C1QTNF3: variants seen among roughly 807,000 people sequenced by gnomAD.
C1QTNF3 encodes the protein complement C1q tumor necrosis factor-related protein 3.
In C1QTNF3, 26 loss-of-function variants were observed where a neutral mutation model predicts 32.6. The ratio of observed to expected loss-of-function variants is 0.80; its 90% CI spans 0.58 to 1.11. The LOEUF (loss-of-function observed/expected upper bound fraction) is 1.11. C1QTNF3 is among the 50% of genes least tolerant of loss of function. The pLI, the probability that C1QTNF3 is intolerant of heterozygous loss-of-function variation, is 0.00. For missense variants in C1QTNF3, 362 were observed against 398.2 expected (o/e 0.91, Z 0.77); for synonymous variants, 155 against 146.0 (o/e 1.06, Z -0.44).
chr5:34,058,826 G>T, the C1QTNF3 span, among the ~76,000 whole-genome samples: 61 of 152,248 alleles, frequency 4.0e-4, no homozygotes, highest in African/African-American at 1.4e-3. Context: ...TGTCTATTTC[G>T]ATCAGTAAAT....
the C1QTNF3 span, among the ~76,000 whole-genome samples, chr5:34,116,884 T>C: frequency 6.6e-6 from 1 of 152,230 alleles, no homozygotes; most frequent in Non-Finnish European, 1.5e-5. Context: ...CATGAACCAC[T>C]GTGCCCGGCC....
At chr5:34,132,065 A>T in the C1QTNF3 span, among the ~76,000 whole-genome samples, 1 of 152,186 alleles carries the variant, frequency 6.6e-6, no homozygotes, top group African/African-American at 2.4e-5. Context: ...TCGTGTGATA[A>T]CTTGACAGTG....
At chr5:34,209,877 T>A in the C1QTNF3 span, among the ~76,000 whole-genome samples, 1 of 152,088 alleles carries the variant, frequency 6.6e-6, no homozygotes, top group African/African-American at 2.4e-5. Flanking sequence ...AAACAAAACC[T>A]TTTAGTTAAG....
chr5:34,136,335 CAAAGGAAA>C, the C1QTNF3 span, among the ~76,000 whole-genome samples: 408 of 152,334 alleles, frequency 2.7e-3, 1 homozygote, highest in African/African-American at 9.6e-3. Flanking sequence ...CAAAAGTGGG[CAAAGGAAA>C]CGAACAGACA....
At chr5:34,220,024 G>C in the C1QTNF3 span, 1 of 152,074 alleles carries the variant, frequency 6.6e-6, no homozygotes. Context: ...AGACTGGTCA[G>C]TACTTGAAGG....
chr5:34,026,390 TG>T (rs1370876342), intron 4 of C1QTNF3, among the ~76,000 whole-genome samples: 1 of 145,482 alleles, frequency 6.9e-6, no homozygotes, highest in African/African-American at 2.6e-5. Flanking sequence ...TTTGGGGTGA[TG>T]GTTGCTAGAT....
the C1QTNF3 span, chr5:34,167,694 C>T: frequency 6.6e-6 from 1 of 152,160 alleles, no homozygotes; most frequent in Admixed American, 6.5e-5. Flanking sequence ...GGAACATATA[C>T]AACCCAAATG....
At chr5:34,154,398 T>C in the C1QTNF3 span, among the ~76,000 whole-genome samples, 2 of 152,194 alleles carry the variant, frequency 1.3e-5, no homozygotes, top group Non-Finnish European at 2.9e-5. Flanking sequence ...GTAATACCCA[T>C]TTATTTCTTG....
chr5:34,039,226 G>T (rs1430071544), intron 1 of C1QTNF3, among the ~76,000 whole-genome samples: 1 of 152,116 alleles, frequency 6.6e-6, no homozygotes, highest in Admixed American at 6.5e-5. Flanking sequence ...CCCAAGGGAA[G>T]AATCAAGGGA....
the C1QTNF3 span, among the ~76,000 whole-genome samples, chr5:34,102,800 A>T: frequency 2.0e-5 from 3 of 152,284 alleles, no homozygotes; most frequent in African/African-American, 4.8e-5. Flanking sequence ...AACAATGAGA[A>T]CACTTGGGAA....
the C1QTNF3 span, among the ~76,000 whole-genome samples, chr5:34,141,820 G>T: frequency 3.3e-5 from 5 of 152,076 alleles, no homozygotes; most frequent in African/African-American, 4.8e-5. Flanking sequence ...TCTTGCATTT[G>T]AGTACTTTCC....
At chr5:34,128,392 G>A in the C1QTNF3 span, among the ~76,000 whole-genome samples, 1 of 152,218 alleles carries the variant, frequency 6.6e-6, no homozygotes, top group Non-Finnish European at 1.5e-5. Flanking sequence ...GTTCCCACTG[G>A]GGCACTGCCT....
the C1QTNF3 span, among the ~76,000 whole-genome samples, chr5:34,153,853 T>TAATTAA: frequency 1.2e-4 from 4 of 32,864 alleles, no homozygotes; most frequent in Admixed American, 3.5e-4. Context: ...ACTTAGAGTA[T>TAATTAA]AAAAAAAAAA....
chr5:34,069,379 C>T, the C1QTNF3 span, among the ~76,000 whole-genome samples: 1 of 151,856 alleles, frequency 6.6e-6, no homozygotes, highest in Non-Finnish European at 1.5e-5. Context: ...TCTGTATTTT[C>T]TACTAGTATA....
the C1QTNF3 span, among the ~76,000 whole-genome samples, chr5:34,223,778 A>C: frequency 1.3e-5 from 2 of 152,158 alleles, no homozygotes; most frequent in South Asian, 4.1e-4. Flanking sequence ...CCTATTCAAC[A>C]TAGTGTTGGA....
chr5:34,077,016 T>C, the C1QTNF3 span, among the ~76,000 whole-genome samples: 1 of 151,794 alleles, frequency 6.6e-6, no homozygotes, highest in African/African-American at 2.4e-5. Context: ...AATGTCTTAT[T>C]TTAACAAGCT....
the C1QTNF3 span, among the ~76,000 whole-genome samples, chr5:34,108,394 T>C: frequency 6.6e-6 from 1 of 152,132 alleles, no homozygotes; most frequent in African/African-American, 2.4e-5. Context: ...TTTATTGTGC[T>C]CTCCCCGTGC....
the C1QTNF3 span, among the ~76,000 whole-genome samples, chr5:34,089,862 C>T: frequency 6.6e-6 from 1 of 152,164 alleles, no homozygotes; most frequent in African/African-American, 2.4e-5. Flanking sequence ...ATAATGTCAA[C>T]TGTATCTTTT....
intron 1 of C1QTNF3, among the ~76,000 whole-genome samples, chr5:34,038,513 T>A (rs1455903936): frequency 1.3e-5 from 2 of 152,152 alleles, no homozygotes; most frequent in African/African-American, 4.8e-5. Flanking sequence ...TGCCTCCCAG[T>A]CTCTCTGATC....
Sources: allele counts gnomAD v4.1 joint callset (sites outside exome capture counted in the v4.1 genomes callset), GRCh38; gene constraint gnomAD v4.1.1; transcripts MANE v1.5; gene names NCBI Gene and HGNC (gene_info 2026-07-23, HGNC 2026-07-21).